GTF2IRD1: variants seen among roughly 807,000 people sequenced by gnomAD.
The protein encoded by GTF2IRD1 is general transcription factor II-I repeat domain-containing protein 1.
A neutral mutation model predicts 113.2 loss-of-function variants in GTF2IRD1; 26 were observed. The observed-to-expected ratio is 0.23, with a 90% CI of 0.17 to 0.32. The LOEUF is 0.32. Ranked by LOEUF, GTF2IRD1 falls within the 10% of genes least tolerant of loss-of-function variation. GTF2IRD1 has a pLI of 1.00. For synonymous variants in GTF2IRD1, 484 were observed against 529.1 expected, an observed-to-expected ratio of 0.91 and a Z score of 1.17; for missense variants, 864 against 1,280.8, an observed-to-expected ratio of 0.67 and a Z score of 4.97.
At chr7:74,593,927 T>C (rs1554371045) in intron 24 of GTF2IRD1, among the ~76,000 whole-genome samples, 1 of 145,322 alleles carries the variant, frequency 6.9e-6, no homozygotes, top group East Asian at 2.1e-4. Flanking sequence ...AGGCTGGGCG[T>C]GGTGGCTCGC....
chr7:74,553,868 G>A (rs1490031036), intron 17 of GTF2IRD1, among the ~76,000 whole-genome samples: 1 of 152,198 alleles, frequency 6.6e-6, no homozygotes, highest in Non-Finnish European at 1.5e-5. Flanking sequence ...AAGAGGAGGG[G>A]CCTAAATGCA....
At chr7:74,572,465 T>TG (rs1329936138) in intron 22 of GTF2IRD1, 1 of 380,906 alleles carries the variant, frequency 2.6e-6, no homozygotes, top group African/African-American at 2.2e-5. Context: ...TAAGTTAACT[T>TG]GCTTGTCTCT....
chr7:74,591,488 C>T (rs1350174217), intron 24 of GTF2IRD1, among the ~76,000 whole-genome samples: 1 of 149,842 alleles, frequency 6.7e-6, no homozygotes, highest in African/African-American at 2.5e-5. Context: ...AACCGATTCT[C>T]GTGCCTCAGC....
chr7:74,558,843 C>A lies in GTF2IRD1; in HGVS notation c.2108-18C>A, dbSNP rs1799778036. 1 of 1,603,926 alleles carries A rather than the reference C, an allele frequency of 6.2e-7. No homozygotes were observed. The highest frequency in any genetic ancestry group is 1.3e-5 in the African/African-American group (1 of 74,704). On this transcript the variant is annotated intron_variant, in intron 20 of 26. Transcript: ENST00000424337. Reference sequence around the variant, plus strand: ...GCCTCTCACTCCTGACGGGCAGGACCCTGCCTCTCGCCCACAGGGGAAGCC... The same window carrying A: ...GCCTCTCACTCCTGACGGGCAGGACACTGCCTCTCGCCCACAGGGGAAGCC...
At chr7:74,468,661 CAA>C (rs563484086) in intron 1 of GTF2IRD1, among the ~76,000 whole-genome samples, 2 of 81,544 alleles carry the variant, frequency 2.5e-5, no homozygotes, top group African/African-American at 4.8e-5. Context: ...ACTCCATCTC[CAA>C]AAAAAAAAAA....
intron 3 of GTF2IRD1, among the ~76,000 whole-genome samples, chr7:74,514,855 G>A (rs1554344132): frequency 6.6e-6 from 1 of 151,802 alleles, no homozygotes; most frequent in Non-Finnish European, 1.5e-5. Context: ...TCAGGAGTTC[G>A]AGACCAGCCT....
chr7:74,543,375 A>G (rs1421041786), intron 14 of GTF2IRD1, among the ~76,000 whole-genome samples: 1 of 152,224 alleles, frequency 6.6e-6, no homozygotes, highest in Non-Finnish European at 1.5e-5. Flanking sequence ...CAGGAGGCTG[A>G]GGCAGGAGAA....
intron 13 of GTF2IRD1, among the ~76,000 whole-genome samples, chr7:74,539,163 G>T (rs587602004): frequency 6.6e-6 from 1 of 152,292 alleles, no homozygotes; most frequent in Non-Finnish European, 1.5e-5. Context: ...AGCCAAGAGG[G>T]TGCTGGGCAC....
intron 1 of GTF2IRD1, among the ~76,000 whole-genome samples, chr7:74,491,311 CTTTTTTT>C (rs1178298791): frequency 3.1e-5 from 3 of 95,692 alleles, no homozygotes; most frequent in East Asian, 3.1e-4. Flanking sequence ...AAAAAAAATT[CTTTTTTT>C]TTTTTTTTTT....
chr7:74,537,062 G>C (rs1447677283), intron 11 of GTF2IRD1, among the ~76,000 whole-genome samples: 5 of 152,112 alleles, frequency 3.3e-5, no homozygotes, highest in African/African-American at 1.2e-4. Flanking sequence ...AGTGAGCTAT[G>C]ATCGCACCAC....
chr7:74,528,070 C>G (rs980966642), intron 8 of GTF2IRD1, among the ~76,000 whole-genome samples: 8 of 152,312 alleles, frequency 5.3e-5, no homozygotes, highest in African/African-American at 1.7e-4. Flanking sequence ...AGGCACACAC[C>G]TGTGCTCACC....
chr7:74,481,047 TC>T (rs1295119241), intron 1 of GTF2IRD1, among the ~76,000 whole-genome samples: 8 of 152,166 alleles, frequency 5.3e-5, no homozygotes, highest in African/African-American at 1.9e-4. Flanking sequence ...TCCCTGTACT[TC>T]CTGGACTGCC....
intron 22 of GTF2IRD1, among the ~76,000 whole-genome samples, chr7:74,568,726 T>G (rs1168404614): frequency 6.6e-6 from 1 of 152,152 alleles, no homozygotes; most frequent in African/African-American, 2.4e-5. Flanking sequence ...TGCAAGCTCC[T>G]CTCTGCCTGC....
chr7:74,513,025 G>T (rs559491469), intron 3 of GTF2IRD1, 54 bp downstream of exon 3: 1 of 1,566,702 alleles, frequency 6.4e-7, no homozygotes, highest in Non-Finnish European at 8.7e-7. Context: ...GAGGGCAGGC[G>T]CTCTAGCCCA....
At position 74,465,672 on chromosome 7, in the gene GTF2IRD1, T is replaced by A. The variant is rs376580283; in HGVS notation, c.-7+11496T>A. 2.0e-5 allele frequency among the ~76,000 whole-genome samples: 3 copies of A among 152,290 alleles called. No homozygotes were observed. In the East Asian group the frequency reaches 5.8e-4, roughly 29 times the overall value. ...GCCCCACTCCCCCAGACAGTGAACC[T>A]TGGACCCCATCATTCCAAGATCTGT... is the stretch of plus-strand genomic sequence containing the variant. On this transcript the variant is annotated intron_variant, in intron 1 of 26. Transcript: ENST00000424337.
Position 74,581,042 on chromosome 7 carries a change from G to A in GTF2IRD1, c.2321-8809G>A, listed in dbSNP as rs587715424. 7.2e-5 allele frequency among the ~76,000 whole-genome samples: 11 copies of A among 152,086 alleles called. No individual in the cohort carries two copies. In the South Asian group the frequency reaches 1.0e-3, roughly 14 times the overall value. On this transcript the variant is annotated intron_variant, in intron 22 of 26. Transcript: ENST00000424337. ...TTTCTGGGGGGGGTTGGGGGGAGACGGAGTTTTGCTCTTGTTGCCCAGGCT... is the reference window on the plus strand; with the variant it reads ...TTTCTGGGGGGGGTTGGGGGGAGACAGAGTTTTGCTCTTGTTGCCCAGGCT...
At chr7:74,519,817 CT>C in intron 6 of GTF2IRD1, 98 bp downstream of exon 6, 1 of 842,036 alleles carries the variant, frequency 1.2e-6, no homozygotes, top group Non-Finnish European at 1.9e-6. Flanking sequence ...CCTGGGCCCT[CT>C]TAGGTTGGAA....
chr7:74,601,081 G>A lies in GTF2IRD1; in HGVS notation c.2667G>A (p.Arg889=), dbSNP rs782793548. The change falls in exon 26 of 27, where the codon CGG becomes CGA. Residue 889 remains arginine (R), a synonymous_variant. Coordinates refer to ENST00000424337, the MANE Select transcript of GTF2IRD1 (RefSeq NM_005685.4). ...GCATTCCCAAGCGCAAGAGAAAGCGGGTCTCGGAAGGAAATTCCGTCTCCT... is the reference window on the plus strand; with the variant it reads ...GCATTCCCAAGCGCAAGAGAAAGCGAGTCTCGGAAGGAAATTCCGTCTCCT... ...DSSIPKRKRK[R]VSEGNSVSSS... is the part of the protein sequence containing the mutation. 2 of 1,614,118 alleles carry A rather than the reference G, an allele frequency of 1.2e-6. No individual in the cohort carries two copies. Among genetic ancestry groups the A allele is most frequent in the Admixed American group, 1.7e-5 (1 of 59,994 alleles).
At chr7:74,500,151 A>G (rs1795944462) in intron 1 of GTF2IRD1, among the ~76,000 whole-genome samples, 2 of 152,184 alleles carry the variant, frequency 1.3e-5, no homozygotes, top group South Asian at 2.1e-4. Flanking sequence ...GCTGGCTCAC[A>G]GGCGACCCAT....
Sources: allele counts gnomAD v4.1 joint callset (sites outside exome capture counted in the v4.1 genomes callset), GRCh38; gene constraint gnomAD v4.1.1; transcripts MANE v1.5; gene names NCBI Gene and HGNC (gene_info 2026-07-23, HGNC 2026-07-21).